TTC3: variants seen among roughly 807,000 people sequenced by gnomAD.
The protein encoded by TTC3 is tetratricopeptide repeat domain 3.
TTC3 carries 180 observed loss-of-function variants against 249.6 expected under a neutral mutation model. The ratio of observed to expected loss-of-function variants is 0.72; its 90% confidence interval spans 0.64 to 0.82. TTC3 has a LOEUF of 0.82. TTC3 is among the 40% of genes least tolerant of loss of function. The probability of loss-of-function intolerance (pLI) is 0.00; values close to 1 mark genes in which losing one functional copy is unlikely to be tolerated. For missense variants in TTC3, 2,061 were observed against 2,398.4 expected, an observed-to-expected ratio of 0.86 and a Z score of 2.94; for synonymous variants, 717 against 805.0, an observed-to-expected ratio of 0.89 and a Z score of 1.85.
chr21:37,176,993 A>G (rs1395728049), intron 35 of TTC3, among the ~76,000 whole-genome samples: 1 of 152,188 alleles, frequency 6.6e-6, no homozygotes, highest in African/African-American at 2.4e-5. Flanking sequence ...AACCCCAGTG[A>G]CACATGACTG....
chr21:37,162,090 T>C (rs1383897295), intron 31 of TTC3, 27 bp downstream of exon 31: 1 of 1,359,330 alleles, frequency 7.4e-7, no homozygotes. Flanking sequence ...AATTTTTGCT[T>C]CATTTTAACT....
intron 41 of TTC3, 97 bp from the exon 42 acceptor site, chr21:37,195,578 G>T: frequency 4.0e-6 from 6 of 1,485,602 alleles, no homozygotes; most frequent in South Asian, 1.4e-5. Context: ...GAGCCTCTGC[G>T]CTGCGTTACT....
At chr21:37,192,465 C>A (rs2148211823) in intron 41 of TTC3, among the ~76,000 whole-genome samples, 1 of 141,990 alleles carries the variant, frequency 7.0e-6, no homozygotes, top group East Asian at 2.1e-4. Flanking sequence ...CTATCACTCT[C>A]ATGTTCCTTG....
At chr21:37,119,731 A>T (rs867661588) in intron 11 of TTC3, among the ~76,000 whole-genome samples, 1 of 152,152 alleles carries the variant, frequency 6.6e-6, no homozygotes, top group African/African-American at 2.4e-5. Context: ...CTTGTTTTCA[A>T]TGTCTTGCAA....
At chr21:37,146,037 G>A (rs761853367) in intron 21 of TTC3, among the ~76,000 whole-genome samples, 2 of 152,184 alleles carry the variant, frequency 1.3e-5, no homozygotes, top group Non-Finnish European at 2.9e-5. Context: ...TACAGAGAAA[G>A]GAAAACATGT....
intron 35 of TTC3, among the ~76,000 whole-genome samples, chr21:37,175,771 AT>A (rs905348858): frequency 1.6e-4 from 23 of 147,854 alleles, no homozygotes; most frequent in Admixed American, 2.0e-4. Flanking sequence ...GGCTTTTTAA[AT>A]TTTTTTTTTT....
chr21:37,143,187 T>C (rs1430278166), intron 20 of TTC3, among the ~76,000 whole-genome samples: 4 of 151,522 alleles, frequency 2.6e-5, no homozygotes, highest in Admixed American at 6.6e-5. Context: ...TAGGCATGGG[T>C]AAGGACTTCA....
chr21:37,127,271 A>C (rs749981298), intron 15 of TTC3, among the ~76,000 whole-genome samples: 1 of 152,156 alleles, frequency 6.6e-6, no homozygotes, highest in Non-Finnish European at 1.5e-5. Flanking sequence ...GGTTTTCAAC[A>C]TGTGAATCTT....
Position 37,180,729 on chromosome 21 carries a change from GT to G in TTC3, c.4618-2044del, listed in dbSNP as rs2082682047. On this transcript the variant is annotated intron_variant, in intron 35 of 45. Transcript: ENST00000355666. The stretch of plus-strand genomic sequence containing the variant: ...TACATATGTAACTAACCTGCACAAT[GT>G]GCACATGTACCCTAAAACTTAAAGT... 6.8e-5 allele frequency among the ~76,000 whole-genome samples: 10 copies of G among 146,130 alleles called. No homozygotes were observed. The Admixed American group carries it at 6.9e-4, about 10-fold the overall frequency.
intron 34 of TTC3, among the ~76,000 whole-genome samples, chr21:37,169,709 G>A (rs1220389808): frequency 3.3e-5 from 5 of 151,370 alleles, no homozygotes; most frequent in African/African-American, 9.7e-5. Context: ...TTAGCTGGCC[G>A]TGGTGGTGGA....
At chr21:37,167,648 A>T (rs767704228) in intron 34 of TTC3, 28 bp downstream of exon 34, 1 of 1,573,288 alleles carries the variant, frequency 6.4e-7, no homozygotes, top group Non-Finnish European at 8.7e-7. Flanking sequence ...TAAACTGTTT[A>T]AAGGTTTAGT....
chr21:37,081,979 C>T (rs915089820), intron 1 of TTC3: 5 of 151,896 alleles, frequency 3.3e-5, no homozygotes, highest in Admixed American at 1.3e-4. Context: ...ATTCTCCTGC[C>T]TCAGCCTCCC....
intron 18 of TTC3, among the ~76,000 whole-genome samples, chr21:37,135,834 A>G (rs1213718878): frequency 6.6e-6 from 1 of 152,196 alleles, no homozygotes; most frequent in Admixed American, 6.5e-5. Context: ...ACCTCGTTTC[A>G]TTATGCTTTG....
chr21:37,122,995 A>G, exon 13 of TTC3: 1 of 1,614,138 alleles, frequency 6.2e-7, no homozygotes, highest in Non-Finnish European at 8.5e-7. Context: ...CGAACAGCAA[A>G]TAAGGATCCA....
At chr21:37,162,285 G>T (rs1409541301) in intron 31 of TTC3, among the ~76,000 whole-genome samples, 1 of 152,174 alleles carries the variant, frequency 6.6e-6, no homozygotes, top group Non-Finnish European at 1.5e-5. Flanking sequence ...CACGACACTG[G>T]TGACATTCAT....
At position 37,144,650 on chromosome 21, in the gene TTC3, C is replaced by A. The variant is rs376418720; in HGVS notation, c.1893+5C>A. 6.2e-7 allele frequency: 1 copy of A among 1,602,718 alleles called. No homozygotes were observed. Among genetic ancestry groups the A allele is most frequent in the Non-Finnish European group, 8.5e-7 (1 of 1,175,710 alleles). ...TCTCAGCCACAAAAAATAAAGGTAA[C>A]CATTTATTTTTGCAGAGTGTTTCTT... is the stretch of plus-strand genomic sequence containing the variant. On this transcript the variant is annotated splice_donor_5th_base_variant and intron_variant, in intron 21 of 45. Transcript: ENST00000355666.
exon 20 of TTC3, chr21:37,140,598 T>C: frequency 6.2e-7 from 1 of 1,603,738 alleles, no homozygotes; most frequent in Non-Finnish European, 8.5e-7. Context: ...AAGAGGATTA[T>C]TGAACACTAC....
chr21:37,144,025 T>C (rs1176591976), intron 20 of TTC3, among the ~76,000 whole-genome samples: 1 of 151,226 alleles, frequency 6.6e-6, no homozygotes, highest in Non-Finnish European at 1.5e-5. Flanking sequence ...TTCTCACTCG[T>C]AGGTGGGAAT....
exon 11 of TTC3, chr21:37,108,398 A>G: frequency 6.2e-7 from 1 of 1,610,552 alleles, no homozygotes; most frequent in Non-Finnish European, 8.5e-7. Flanking sequence ...TTAGAAATGC[A>G]CTCGGTGATG....
Sources: gnomAD v4.1 joint callset for allele counts (sites outside exome capture counted in the v4.1 genomes callset) on GRCh38, gnomAD v4.1.1 for gene constraint, MANE v1.5 for transcripts, NCBI Gene and HGNC (gene_info 2026-07-23, HGNC 2026-07-21) for gene names.